Variants in ALDH1A2 observed in about 807,000 individuals in gnomAD.
The protein encoded by ALDH1A2 is retinal dehydrogenase 2.
A neutral mutation model predicts 60.3 loss-of-function variants in ALDH1A2; 27 were observed. The ratio of observed to expected loss-of-function variants is 0.45; its 90% CI spans 0.33 to 0.62. ALDH1A2 has a LOEUF of 0.62. Among genes scored for constraint, ALDH1A2 ranks in the 20% least tolerant of loss-of-function variants. The pLI, the probability that ALDH1A2 is intolerant of heterozygous loss-of-function variation, is 0.02. For synonymous variants in ALDH1A2, 289 were observed against 232.4 expected, an observed-to-expected ratio of 1.24 and a Z score of -2.21; for missense variants, 581 against 643.8, an observed-to-expected ratio of 0.90 and a Z score of 1.06.
At chr15:58,000,165 C>A (rs993742945) in intron 4 of ALDH1A2, among the ~76,000 whole-genome samples, 13 of 151,890 alleles carry the variant, frequency 8.6e-5, no homozygotes, top group Admixed American at 7.2e-4. Context: ...ACACGTTTAC[C>A]TGTGTAACAA....
intron 4 of ALDH1A2, among the ~76,000 whole-genome samples, chr15:58,001,543 G>T (rs141596654): frequency 6.6e-6 from 1 of 151,994 alleles, no homozygotes; most frequent in East Asian, 1.9e-4. Context: ...ACTCGAAATG[G>T]AGACAGTGTT....
At chr15:58,063,939 G>C (rs1274999778) in intron 1 of ALDH1A2, among the ~76,000 whole-genome samples, 1 of 151,444 alleles carries the variant, frequency 6.6e-6, no homozygotes, top group Non-Finnish European at 1.5e-5. Context: ...AGAGAGAGGG[G>C]GTAGTTAGGG....
At chr15:58,061,037 A>T (rs1292736436) in intron 1 of ALDH1A2, among the ~76,000 whole-genome samples, 2 of 152,218 alleles carry the variant, frequency 1.3e-5, no homozygotes, top group Non-Finnish European at 2.9e-5. Flanking sequence ...CAGTCTCCTC[A>T]GAGAATCCTC....
Position 57,962,137 on chromosome 15 carries a change from G to A in ALDH1A2, c.1126C>T (p.Gln376Ter). The A allele has an allele frequency of 6.2e-7, 1 of 1,614,116 alleles. No homozygotes were observed. Among genetic ancestry groups the A allele is most frequent in the Non-Finnish European group, 8.5e-7 (1 of 1,180,000 alleles). Reference sequence around the variant, plus strand: ...TTGGCGCCCTCAGCCACACCACTCTGGATGAGTTCCAAGATCTTGTTGTAC... The same window carrying A: ...TTGGCGCCCTCAGCCACACCACTCTAGATGAGTTCCAAGATCTTGTTGTAC... ...KQYNKILELI[Q>*]SGVAEGAKLE... The change falls in exon 10 of 13, where the codon CAG (glutamine) becomes TAG (stop). Residue 376 changes from glutamine to a stop codon, truncating the protein, a stop_gained. Transcript: ENST00000249750. LOFTEE classifies it high-confidence loss of function.
At chr15:57,992,540 C>T (rs1225847557) in intron 7 of ALDH1A2, among the ~76,000 whole-genome samples, 165 bp downstream of exon 7, 1 of 152,178 alleles carries the variant, frequency 6.6e-6, no homozygotes, top group Non-Finnish European at 1.5e-5. Flanking sequence ...TGTGCCTTTG[C>T]TTTCACATCC....
At chr15:57,967,352 A>G (rs1194275523) in intron 7 of ALDH1A2, among the ~76,000 whole-genome samples, 1 of 152,190 alleles carries the variant, frequency 6.6e-6, no homozygotes, top group East Asian at 1.9e-4. Context: ...CCAGCCTGGC[A>G]CACAGTAAGT....
chr15:58,013,818 A>T, intron 3 of ALDH1A2, 40 bp downstream of exon 3: 1 of 1,612,682 alleles, frequency 6.2e-7, no homozygotes, highest in Non-Finnish European at 8.5e-7. Flanking sequence ...CAGAATGGCA[A>T]ATGTGGGTTA....
chr15:58,002,072 A>C (rs1895293792), intron 4 of ALDH1A2, among the ~76,000 whole-genome samples: 1 of 151,942 alleles, frequency 6.6e-6, no homozygotes. Flanking sequence ...TTTAAGACCC[A>C]GTCAGAGGTA....
intron 1 of ALDH1A2, among the ~76,000 whole-genome samples, chr15:58,050,709 T>G (rs1246603732): frequency 6.6e-6 from 1 of 152,184 alleles, no homozygotes; most frequent in Non-Finnish European, 1.5e-5. Context: ...TCAAGTGAAT[T>G]TGATACACAG....
At chr15:57,977,346 G>C (rs529860264) in intron 7 of ALDH1A2, among the ~76,000 whole-genome samples, 2 of 152,260 alleles carry the variant, frequency 1.3e-5, no homozygotes, top group African/African-American at 4.8e-5. Flanking sequence ...GTATTGCCTA[G>C]GTTTTTGTCT....
chr15:58,014,800 A>G (rs1337576409), intron 1 of ALDH1A2, among the ~76,000 whole-genome samples: 1 of 152,244 alleles, frequency 6.6e-6, no homozygotes, highest in Non-Finnish European at 1.5e-5. Flanking sequence ...TCAACAAGTT[A>G]TATGTGTAAA....
At chr15:57,987,338 A>G (rs529687627) in intron 7 of ALDH1A2, among the ~76,000 whole-genome samples, 47 of 152,342 alleles carry the variant, frequency 3.1e-4, no homozygotes, top group African/African-American at 1.0e-3. Context: ...TTAACGAACC[A>G]ACAAAATACA....
intron 1 of ALDH1A2, among the ~76,000 whole-genome samples, chr15:58,024,321 T>G (rs189173119): frequency 6.6e-6 from 1 of 152,000 alleles, no homozygotes; most frequent in African/African-American, 2.4e-5. Flanking sequence ...TTATACTGCC[T>G]AGAAGAAACT....
chr15:57,976,169 C>G (rs1457173042), intron 7 of ALDH1A2, among the ~76,000 whole-genome samples: 1 of 152,158 alleles, frequency 6.6e-6, no homozygotes, highest in Non-Finnish European at 1.5e-5. Context: ...AGAAATTTCT[C>G]CCTACACCAG....
rs141758431 is a variant in ALDH1A2 at position 58,053,474 on chromosome 15, A to G, written c.117+12060T>C. ...AAATAAGGCCCTCATCTCCGTAGCA[A>G]TAAGTTAGTGACTTTGCAAGCATTC... On this transcript the variant is annotated intron_variant, in intron 1 of 12. Coordinates refer to ENST00000249750, the MANE Select transcript of ALDH1A2 (RefSeq NM_003888.4). 4.2e-3 allele frequency among the ~76,000 whole-genome samples: 646 copies of G among 152,246 alleles called. 8 individuals are homozygous for G. Among genetic ancestry groups the G allele is most frequent in the African/African-American group, 0.014 (600 of 41,548 alleles).
intron 12 of ALDH1A2, 62 bp from the exon 13 acceptor site, chr15:57,955,331 G>C: frequency 6.4e-7 from 1 of 1,563,474 alleles, no homozygotes; most frequent in South Asian, 1.1e-5. Flanking sequence ...TGTGAGTGCA[G>C]CGGGAGTCCT....
At chr15:57,971,029 T>C (rs1210747904) in intron 7 of ALDH1A2, among the ~76,000 whole-genome samples, 1 of 152,204 alleles carries the variant, frequency 6.6e-6, no homozygotes, top group Non-Finnish European at 1.5e-5. Flanking sequence ...TTCCTTTAAG[T>C]GGTAACAGCA....
intron 12 of ALDH1A2, among the ~76,000 whole-genome samples, chr15:57,957,640 G>A (rs1345540064): frequency 6.6e-6 from 1 of 152,074 alleles, no homozygotes; most frequent in Non-Finnish European, 1.5e-5. Flanking sequence ...GAAACAGCAA[G>A]GCAAAATCAC....
chr15:58,050,834 T>G (rs1019844556), intron 1 of ALDH1A2, among the ~76,000 whole-genome samples: 1 of 152,190 alleles, frequency 6.6e-6, no homozygotes, highest in African/African-American at 2.4e-5. Context: ...TAGAAGTTAA[T>G]GTCTCAAACC....
Sources: gnomAD v4.1 joint callset for allele counts (sites outside exome capture counted in the v4.1 genomes callset) on GRCh38, gnomAD v4.1.1 for gene constraint, MANE v1.5 for transcripts, NCBI Gene and HGNC (gene_info 2026-07-23, HGNC 2026-07-21) for gene names.